EYS: variants seen among roughly 807,000 people sequenced by gnomAD.
EYS encodes EGF-like photoreceptor maintenance factor, also known as protein eyes shut homolog.
EYS carries 250 observed loss-of-function variants against 282.1 expected under a neutral mutation model. The ratio of observed to expected loss-of-function variants is 0.89; its 90% CI spans 0.80 to 0.98. EYS has a LOEUF of 0.98. EYS is among the 50% of genes least tolerant of loss of function. The pLI is 0.00. For synonymous variants in EYS, 1,355 were observed against 1,282.9 expected (o/e 1.06, Z -1.20); for missense variants, 4,016 against 3,709.0 (o/e 1.08, Z -2.15).
chr6:65,271,590 T>G (rs1216903083), intron 12 of EYS, among the ~76,000 whole-genome samples: 1 of 152,042 alleles, frequency 6.6e-6, no homozygotes, highest in Admixed American at 6.6e-5. Context: ...TTTTATTATT[T>G]TTTATTTTTT....
At chr6:64,344,015 G>C (rs1771254074) in intron 29 of EYS, among the ~76,000 whole-genome samples, 1 of 152,098 alleles carries the variant, frequency 6.6e-6, no homozygotes, top group Non-Finnish European at 1.5e-5. Context: ...GGAAGAAGTT[G>C]AATCTCTGAA....
At chr6:63,986,092 C>T (rs1488963561) in intron 34 of EYS, among the ~76,000 whole-genome samples, 1 of 151,374 alleles carries the variant, frequency 6.6e-6, no homozygotes, top group Non-Finnish European at 1.5e-5. Flanking sequence ...AAAAACAACC[C>T]CATTTGAAAG....
At chr6:64,874,932 G>C (rs1382767640) in intron 19 of EYS, among the ~76,000 whole-genome samples, 1 of 151,994 alleles carries the variant, frequency 6.6e-6, no homozygotes, top group African/African-American at 2.4e-5. Context: ...GAGGCGAGCT[G>C]AGATCACTCA....
chr6:64,041,266 GA>G (rs998030234), intron 33 of EYS, among the ~76,000 whole-genome samples: 1 of 151,842 alleles, frequency 6.6e-6, no homozygotes, highest in African/African-American at 2.4e-5. Flanking sequence ...TAGTGTGTAT[GA>G]AAAAAACAAT....
intron 30 of EYS, among the ~76,000 whole-genome samples, chr6:64,289,722 T>C (rs1053721680): frequency 6.6e-6 from 1 of 152,074 alleles, no homozygotes; most frequent in Non-Finnish European, 1.5e-5. Context: ...TCAGTAGTAG[T>C]AAAAGGTCAA....
intron 33 of EYS, among the ~76,000 whole-genome samples, chr6:64,040,629 T>C (rs189723109): frequency 6.6e-6 from 1 of 152,170 alleles, no homozygotes; most frequent in African/African-American, 2.4e-5. Context: ...AGACCCAAGA[T>C]TGAAAAACTA....
chr6:64,176,589 T>C (rs1764642955), intron 31 of EYS, among the ~76,000 whole-genome samples: 1 of 152,114 alleles, frequency 6.6e-6, no homozygotes, highest in Non-Finnish European at 1.5e-5. Flanking sequence ...TCAGTCATTT[T>C]TATTTTGGAG....
chr6:64,515,398 T>G (rs991524409), intron 26 of EYS, among the ~76,000 whole-genome samples: 15 of 151,508 alleles, frequency 9.9e-5, no homozygotes, highest in African/African-American at 3.6e-4. Context: ...TATTTAATTT[T>G]AAGTAAGTTA....
chr6:64,839,192 A>G (rs1360027692), intron 19 of EYS, among the ~76,000 whole-genome samples: 1 of 152,086 alleles, frequency 6.6e-6, no homozygotes, highest in Non-Finnish European at 1.5e-5. Context: ...TTGCTTGAGC[A>G]GTTCACTATA....
chr6:63,942,424 C>T (rs985662330), intron 35 of EYS, among the ~76,000 whole-genome samples: 1 of 152,120 alleles, frequency 6.6e-6, no homozygotes, highest in Non-Finnish European at 1.5e-5. Flanking sequence ...TGGAGAAATT[C>T]AACAGCTTAG....
At chr6:64,640,102 T>A (rs926957078) in intron 22 of EYS, among the ~76,000 whole-genome samples, 1 of 146,374 alleles carries the variant, frequency 6.8e-6, no homozygotes, top group African/African-American at 2.5e-5. Context: ...ATAGGAACAC[T>A]TCTTTTACAC....
intron 26 of EYS, among the ~76,000 whole-genome samples, chr6:64,561,447 T>A (rs1482727053): frequency 6.6e-6 from 1 of 151,960 alleles, no homozygotes; most frequent in Non-Finnish European, 1.5e-5. Context: ...ACCCAAAAGC[T>A]CATTGAACTG....
intron 11 of EYS, among the ~76,000 whole-genome samples, chr6:65,313,379 A>C (rs1769214083): frequency 6.6e-6 from 1 of 152,052 alleles, no homozygotes; most frequent in Admixed American, 6.6e-5. Context: ...TTAAAGGATC[A>C]GCCCCGAATT....
At chr6:65,683,738 G>A (rs1768911516) in intron 1 of EYS, among the ~76,000 whole-genome samples, 1 of 151,950 alleles carries the variant, frequency 6.6e-6, no homozygotes. Flanking sequence ...AACTGACAAG[G>A]ATTGAGAGAG....
At chr6:65,250,618 C>T (rs1767295603) in intron 12 of EYS, among the ~76,000 whole-genome samples, 1 of 151,912 alleles carries the variant, frequency 6.6e-6, no homozygotes, top group African/African-American at 2.4e-5. Flanking sequence ...TTACTTCCAA[C>T]CATATTCAGA....
chr6:65,207,623 A>C (rs900730943), intron 12 of EYS, among the ~76,000 whole-genome samples: 4 of 151,978 alleles, frequency 2.6e-5, no homozygotes, highest in Admixed American at 2.6e-4. Context: ...CCTGACGATA[A>C]CACATACTAC....
intron 12 of EYS, among the ~76,000 whole-genome samples, chr6:65,160,484 C>A (rs1226573806): frequency 1.3e-5 from 2 of 150,882 alleles, no homozygotes; most frequent in African/African-American, 4.8e-5. Context: ...ATACTGATAA[C>A]CTTCAAATTT....
At chr6:65,244,688 ATTTTT>A (rs11351957) in intron 12 of EYS, among the ~76,000 whole-genome samples, 13 of 142,418 alleles carry the variant, frequency 9.1e-5, no homozygotes, top group African/African-American at 3.3e-4. Context: ...AATTTTTTGT[ATTTTT>A]TTTTTTTTTT....
intron 26 of EYS, among the ~76,000 whole-genome samples, chr6:64,488,433 G>T (rs1776641058): frequency 6.6e-6 from 1 of 151,018 alleles, no homozygotes; most frequent in Admixed American, 6.6e-5. Context: ...GTGCTATTGT[G>T]GTTGGCACCA....
Sources: gnomAD v4.1 joint callset for allele counts (sites outside exome capture counted in the v4.1 genomes callset) on GRCh38, gnomAD v4.1.1 for gene constraint, MANE v1.5 for transcripts, NCBI Gene and HGNC (gene_info 2026-07-23, HGNC 2026-07-21) for gene names.